Variants in INPP4B observed in about 807,000 individuals in gnomAD.
INPP4B encodes the protein inositol polyphosphate-4-phosphatase type II B, also known as inositol polyphosphate 4-phosphatase type II.
Under a neutral mutation model 122.5 loss-of-function variants are expected in INPP4B, and 55 were observed. The ratio of observed to expected loss-of-function variants is 0.45; its 90% CI spans 0.36 to 0.56. The LOEUF is 0.56. Among genes scored for constraint, INPP4B ranks in the 20% least tolerant of loss-of-function variants. The pLI, the probability that INPP4B is intolerant of heterozygous loss-of-function variation, is 0.00. For synonymous variants in INPP4B, 403 were observed against 388.7 expected (o/e 1.04, Z -0.43); for missense variants, 1,000 against 1,097.7 (o/e 0.91, Z 1.26).
intron 7 of INPP4B, among the ~76,000 whole-genome samples, chr4:142,391,149 A>G (rs529905843): frequency 6.6e-6 from 1 of 152,372 alleles, no homozygotes; most frequent in East Asian, 1.9e-4. Flanking sequence ...TTGATATACA[A>G]TTTGAATAAA....
chr4:142,331,624 G>A (rs1406293775), intron 7 of INPP4B, among the ~76,000 whole-genome samples: 1 of 152,144 alleles, frequency 6.6e-6, no homozygotes, highest in Non-Finnish European at 1.5e-5. Context: ...GAGGTAACAA[G>A]CACTATCTAT....
intron 1 of INPP4B, among the ~76,000 whole-genome samples, chr4:142,832,437 A>T (rs1353270005): frequency 6.6e-6 from 1 of 152,226 alleles, no homozygotes; most frequent in African/African-American, 2.4e-5. Context: ...TCAGAGCTAA[A>T]TAACCATTTT....
intron 2 of INPP4B, among the ~76,000 whole-genome samples, chr4:142,638,748 A>G (rs1749725902): frequency 6.6e-6 from 1 of 151,882 alleles, no homozygotes; most frequent in African/African-American, 2.4e-5. Flanking sequence ...GGGTTTCACC[A>G]TGTTAGCCAG....
intron 3 of INPP4B, among the ~76,000 whole-genome samples, chr4:142,440,961 G>T (rs1485486323): frequency 6.6e-6 from 1 of 152,086 alleles, no homozygotes; most frequent in Non-Finnish European, 1.5e-5. Context: ...TTAGATTTTT[G>T]TGTGTATGGT....
At chr4:142,668,061 A>G (rs1756410823) in intron 2 of INPP4B, among the ~76,000 whole-genome samples, 1 of 152,162 alleles carries the variant, frequency 6.6e-6, no homozygotes, top group African/African-American at 2.4e-5. Context: ...CTGATATCAA[A>G]ACCAAAGAAA....
chr4:142,086,366 G>C, intron 23 of INPP4B, 110 bp from the exon 24 acceptor site: 1 of 655,242 alleles, frequency 1.5e-6, no homozygotes, highest in East Asian at 2.7e-5. Context: ...TTTCTTTTAG[G>C]CAGGGTCTTG....
intron 1 of INPP4B, among the ~76,000 whole-genome samples, chr4:142,802,295 T>C (rs1379959917): frequency 6.6e-6 from 1 of 152,212 alleles, no homozygotes; most frequent in African/African-American, 2.4e-5. Context: ...GACCTATTCA[T>C]ATCCAATAAA....
chr4:142,516,944 A>G (rs1393423410), intron 2 of INPP4B, among the ~76,000 whole-genome samples: 1 of 152,018 alleles, frequency 6.6e-6, no homozygotes, highest in Non-Finnish European at 1.5e-5. Context: ...GCATTGCACC[A>G]CGGTCTATTA....
At chr4:142,791,058 G>A (rs1320201449) in intron 1 of INPP4B, among the ~76,000 whole-genome samples, 3 of 152,040 alleles carry the variant, frequency 2.0e-5, no homozygotes, top group African/African-American at 7.2e-5. Context: ...GAAACTTGAT[G>A]TTTTCACATA....
chr4:142,207,067 C>A (rs1001309836), intron 14 of INPP4B, among the ~76,000 whole-genome samples: 7 of 152,072 alleles, frequency 4.6e-5, no homozygotes, highest in South Asian at 2.1e-4. Context: ...CCCTCTGTAT[C>A]CTGGCTTATT....
intron 14 of INPP4B, among the ~76,000 whole-genome samples, chr4:142,206,803 A>C: frequency 6.6e-6 from 1 of 151,970 alleles, no homozygotes; most frequent in East Asian, 1.9e-4. Flanking sequence ...GTATGTGTAT[A>C]AGAACACTTA....
At chr4:142,828,121 G>A (rs918944275) in intron 1 of INPP4B, among the ~76,000 whole-genome samples, 1 of 152,036 alleles carries the variant, frequency 6.6e-6, no homozygotes, top group Non-Finnish European at 1.5e-5. Flanking sequence ...CATATACAAT[G>A]CTGAGCTCAC....
intron 1 of INPP4B, among the ~76,000 whole-genome samples, chr4:142,810,538 A>T (rs2151120610): frequency 6.6e-6 from 1 of 152,350 alleles, no homozygotes; most frequent in South Asian, 2.1e-4. Flanking sequence ...ACTGAGATTA[A>T]CATTTCAGTT....
intron 7 of INPP4B, among the ~76,000 whole-genome samples, chr4:142,336,452 AC>A: frequency 6.6e-6 from 1 of 152,332 alleles, no homozygotes; most frequent in South Asian, 2.1e-4. Flanking sequence ...CCGCCAAGCC[AC>A]GGGTGGCGGG....
rs1205096149 is a variant in INPP4B, at chr4:142,382,401, C to G, written c.372+20537G>C. On this transcript the variant is annotated intron_variant, in intron 7 of 25. Coordinates refer to ENST00000262992, the MANE Select transcript of INPP4B (RefSeq NM_001101669.3). ...GCAGGTGCCTGTAGTCCCAGCTACT[C>G]AGGAGGCTGAGGCAGGAGAATCACT... Among the ~76,000 whole-genome samples the G allele has an allele frequency of 2.6e-5, 4 of 151,546 alleles. No homozygotes were observed. The South Asian group carries it at 8.3e-4, about 31-fold the overall frequency.
rs377453377 is a variant in INPP4B, at chr4:142,113,902, C to G, written c.2136-1220G>C. On this transcript the variant is annotated intron_variant, in intron 21 of 25. Coordinates refer to ENST00000262992, the MANE Select transcript of INPP4B (RefSeq NM_001101669.3). The stretch of plus-strand genomic sequence containing the variant: ...GAATTATACAATCATGACAATAATC[C>G]AGGTTTAGTACATTTCCATCAACTT... 2.2e-4 allele frequency among the ~76,000 whole-genome samples: 34 copies of G among 151,798 alleles called. No homozygotes were observed. The East Asian group carries it at 5.4e-3, about 24-fold the overall frequency.
intron 25 of INPP4B, among the ~76,000 whole-genome samples, chr4:142,066,763 C>A (rs1034208774): frequency 6.6e-6 from 1 of 152,144 alleles, no homozygotes; most frequent in Non-Finnish European, 1.5e-5. Flanking sequence ...AAGGCAGCAG[C>A]GAGGCTGAGG....
intron 23 of INPP4B, among the ~76,000 whole-genome samples, chr4:142,106,141 T>C (rs1786985514): frequency 6.6e-6 from 1 of 152,198 alleles, no homozygotes; most frequent in African/African-American, 2.4e-5. Flanking sequence ...CAATCCAGTA[T>C]GTTCAGACAA....
intron 7 of INPP4B, among the ~76,000 whole-genome samples, chr4:142,362,432 C>T (rs996590611): frequency 8.1e-4 from 122 of 151,484 alleles, no homozygotes; most frequent in African/African-American, 2.9e-3. Context: ...TGGTATCTTA[C>T]ATAAATTCTA....
Sources: gnomAD v4.1 joint callset for allele counts (sites outside exome capture counted in the v4.1 genomes callset) on GRCh38, gnomAD v4.1.1 for gene constraint, MANE v1.5 for transcripts, NCBI Gene and HGNC (gene_info 2026-07-23, HGNC 2026-07-21) for gene names.